Variants in SCARA3 observed in about 807,000 individuals in gnomAD.
The protein encoded by SCARA3 is scavenger receptor class A member 3.
In SCARA3, 39 loss-of-function variants were observed where a neutral mutation model predicts 47.0. That is an observed-to-expected ratio of 0.83 (90% CI 0.64 to 1.08). SCARA3 has a LOEUF of 1.08. Among genes scored for constraint, SCARA3 ranks in the 50% least tolerant of loss-of-function variants. SCARA3 has a pLI of 0.00. For synonymous variants in SCARA3, 356 were observed against 334.1 expected, an observed-to-expected ratio of 1.07 and a Z score of -0.71; for missense variants, 724 against 792.3, an observed-to-expected ratio of 0.91 and a Z score of 1.04.
At chr8:27,682,985 T>C in the SCARA3 span, among the ~76,000 whole-genome samples, 3 of 151,926 alleles carry the variant, frequency 2.0e-5, no homozygotes, top group Non-Finnish European at 2.9e-5. Context: ...AGAATATTCA[T>C]AGATTTGTTT....
the SCARA3 span, among the ~76,000 whole-genome samples, chr8:27,721,406 T>C: frequency 9.9e-5 from 15 of 152,182 alleles, no homozygotes; most frequent in African/African-American, 3.4e-4. Context: ...TGGAACTTAT[T>C]TGGGGTTGAG....
the SCARA3 span, among the ~76,000 whole-genome samples, chr8:27,718,809 T>A: frequency 6.6e-6 from 1 of 152,236 alleles, no homozygotes; most frequent in African/African-American, 2.4e-5. Context: ...CTCTCCTTCT[T>A]GAAGGTAATG....
chr8:27,639,302 G>A (rs1172145970), intron 1 of SCARA3, among the ~76,000 whole-genome samples: 1 of 152,178 alleles, frequency 6.6e-6, no homozygotes, highest in Non-Finnish European at 1.5e-5. Context: ...GACGAGAACC[G>A]AATCATCCAG....
Position 27,672,901 on chromosome 8 carries a change from G to A in SCARA3, c.*1550G>A, listed in dbSNP as rs764339486. On this transcript the variant is annotated 3_prime_UTR_variant, in exon 6 of 6. Transcript: ENST00000301904. ...AAAGCCTTTCCGCACCCTCCTGACT[G>A]TCCTGGATGTGCAACTGGTTTGCAC... is the stretch of plus-strand genomic sequence containing the variant. The A allele has an allele frequency of 3.0e-6, 3 of 985,690 alleles. No homozygotes were observed. The highest frequency in any genetic ancestry group is 3.6e-6 in the Non-Finnish European group (3 of 830,132). 61.1% of individuals were successfully genotyped at this position (985,690 alleles called of 1,614,324 possible).
At chr8:27,638,829 C>G (rs1407381543) in intron 1 of SCARA3, among the ~76,000 whole-genome samples, 1 of 152,146 alleles carries the variant, frequency 6.6e-6, no homozygotes, top group Non-Finnish European at 1.5e-5. Flanking sequence ...GAGTTCCCAG[C>G]GAGAGAGTTT....
intron 1 of SCARA3, among the ~76,000 whole-genome samples, chr8:27,639,933 G>A (rs1481570940): frequency 1.3e-5 from 2 of 152,126 alleles, no homozygotes; most frequent in Non-Finnish European, 2.9e-5. Flanking sequence ...GGGCTGAGTG[G>A]ATCAGAAGCA....
At chr8:27,633,736 C>G (rs934883256), upstream of SCARA3, 1 of 150,948 alleles carries the variant, frequency 6.6e-6, no homozygotes, top group Admixed American at 6.6e-5. Context: ...ACAAAGAGGC[C>G]GGCCGCGGCA....
the SCARA3 span, among the ~76,000 whole-genome samples, chr8:27,705,900 A>C: frequency 6.6e-6 from 1 of 152,232 alleles, no homozygotes; most frequent in African/African-American, 2.4e-5. Flanking sequence ...GTTCTTGCAA[A>C]AAGAAAGAAA....
chr8:27,663,282 A>G (rs957709524), intron 5 of SCARA3, among the ~76,000 whole-genome samples: 6 of 152,218 alleles, frequency 3.9e-5, no homozygotes, highest in Admixed American at 3.3e-4. Flanking sequence ...TGGTACCTAC[A>G]TGTCCTGCAG....
the SCARA3 span, among the ~76,000 whole-genome samples, chr8:27,685,074 C>G: frequency 6.6e-6 from 1 of 151,924 alleles, no homozygotes; most frequent in Non-Finnish European, 1.5e-5. Flanking sequence ...CTTCAGGTAA[C>G]AACAACAAAC....
intron 5 of SCARA3, among the ~76,000 whole-genome samples, chr8:27,660,670 A>G (rs1801886246): frequency 1.4e-5 from 2 of 140,598 alleles, no homozygotes; most frequent in Non-Finnish European, 3.2e-5. Flanking sequence ...AGAGAAACAG[A>G]ATCAATAGTG....
rs139976601 is a variant in SCARA3 at position 27,640,651 on chromosome 8, G to A, written c.7+6444G>A. Among the ~76,000 whole-genome samples, 247 of 152,048 alleles carry A rather than the reference G, an allele frequency of 1.6e-3. 6 individuals carry two copies. The East Asian group carries it at 0.024, about 15-fold the overall frequency. Reference sequence around the variant, plus strand: ...CTCCTCAGCCTCCCGATTACTTAGCGTTTTTGTTCTTAGTGCTGGTTTTTA... The same window carrying A: ...CTCCTCAGCCTCCCGATTACTTAGCATTTTTGTTCTTAGTGCTGGTTTTTA... On this transcript the variant is annotated intron_variant, in intron 1 of 5. Transcript: ENST00000301904.
chr8:27,660,846 A>AGCTAGCTAGCTAGCTAGC (rs10700852), intron 5 of SCARA3, among the ~76,000 whole-genome samples: 6 of 56,596 alleles, frequency 1.1e-4, no homozygotes, highest in African/African-American at 1.4e-4. Context: ...AGCTAGCTAG[A>AGCTAGCTAGCTAGCTAGC]TAGATAGATA....
chr8:27,677,782 G>T (rs1802301451), downstream of SCARA3, among the ~76,000 whole-genome samples: 1 of 152,136 alleles, frequency 6.6e-6, no homozygotes, highest in African/African-American at 2.4e-5. Context: ...ATTTATCAAG[G>T]TAGAACATGA....
Position 27,633,969 on chromosome 8 carries a change from G to T in SCARA3, c.-232G>T, listed in dbSNP as rs1801190301. 1.9e-5 allele frequency: 4 copies of T among 208,392 alleles called. No individual in the cohort carries two copies. In the South Asian group the frequency reaches 6.5e-4, roughly 34 times the overall value. The allele number at this position is 208,392 out of a possible 1,614,324, so 12.9% of individuals were successfully genotyped here. A position where few individuals can be genotyped will look rare whatever the true frequency, so the allele number is the denominator to read the frequency against. On this transcript the variant is annotated 5_prime_UTR_variant, in exon 1 of 6. Coordinates refer to ENST00000301904, the MANE Select transcript of SCARA3 (RefSeq NM_016240.3). ...ATGCGCGCTCTGGGCGGCGGGGCGC[G>T]GCGCTAGGCGCCCGGCGGGGCTTCC...
intron 1 of SCARA3, among the ~76,000 whole-genome samples, chr8:27,642,447 A>C (rs1304256300): frequency 6.6e-6 from 1 of 152,186 alleles, no homozygotes; most frequent in African/African-American, 2.4e-5. Flanking sequence ...AGGAACATGA[A>C]ACTCAGAGGA....
At chr8:27,634,314 G>T in intron 1 of SCARA3, 107 bp downstream of exon 1, 1 of 1,032,396 alleles carries the variant, frequency 9.7e-7, no homozygotes, top group Non-Finnish European at 1.3e-6. Flanking sequence ...GAGGAGGGCA[G>T]GGCGCCTCTG....
At position 27,671,203 on chromosome 8, in the gene SCARA3, C is replaced by T; in HGVS notation, c.1673C>T (p.Ser558Leu). Residue 558 changes from serine to leucine, a missense_variant, in exon 6 of 6, where the codon TCA (serine) becomes TTA (leucine). By Grantham distance (145) the Ser-to-Leu change is moderately radical (BLOSUM62 -2). Coordinates refer to ENST00000301904, the MANE Select transcript of SCARA3 (RefSeq NM_016240.3). ...GGGCCCCCGGGGTCTCCAGGGCCCT[C>T]AGGGCCTCAGGGAAAACCGGGAATT... ...PEGPPGSPGP[S>L]GPQGKPGIAG... 3 of 1,509,614 alleles carry T rather than the reference C, an allele frequency of 2.0e-6. No homozygotes were observed. The highest frequency in any genetic ancestry group is 1.8e-6 in the Non-Finnish European group (2 of 1,134,214). 93.5% of individuals were successfully genotyped at this position (1,509,614 alleles called of 1,614,324 possible).
intron 4 of SCARA3, among the ~76,000 whole-genome samples, chr8:27,657,606 T>A (rs974116815): frequency 7.0e-6 from 1 of 142,804 alleles, no homozygotes; most frequent in African/African-American, 2.7e-5. Context: ...AGTGGTGTGA[T>A]CTCGGCTCAC....
Sources: gnomAD v4.1 joint callset for allele counts (sites outside exome capture counted in the v4.1 genomes callset) on GRCh38, gnomAD v4.1.1 for gene constraint, MANE v1.5 for transcripts, NCBI Gene and HGNC (gene_info 2026-07-23, HGNC 2026-07-21) for gene names.